PTPRM: variants seen among roughly 807,000 people sequenced by gnomAD.
PTPRM encodes protein tyrosine phosphatase receptor type M.
In PTPRM, 47 loss-of-function variants were observed where a neutral mutation model predicts 186.7. That is an observed-to-expected ratio of 0.25 (90% CI 0.20 to 0.32). The LOEUF is 0.32. Ranked by LOEUF, PTPRM falls within the 10% of genes least tolerant of loss-of-function variation. The probability of loss-of-function intolerance (pLI) is 1.00; values close to 1 mark genes in which losing one functional copy is unlikely to be tolerated. For synonymous variants in PTPRM, 668 were observed against 674.9 expected (o/e 0.99, Z 0.16); for missense variants, 1,494 against 1,865.0 (o/e 0.80, Z 3.66).
chr18:7,757,201 C>G (rs2041540725), intron 1 of PTPRM, among the ~76,000 whole-genome samples: 1 of 152,190 alleles, frequency 6.6e-6, no homozygotes, highest in South Asian at 2.1e-4. Context: ...TTAGTAATCT[C>G]TGATACCATG....
At chr18:7,589,293 G>A (rs1403264618) in intron 1 of PTPRM, among the ~76,000 whole-genome samples, 4 of 152,162 alleles carry the variant, frequency 2.6e-5, no homozygotes, top group Non-Finnish European at 4.4e-5. Context: ...ACAGGTGAGG[G>A]GTATGGCTTT....
intron 8 of PTPRM, 66 bp from the exon 9 acceptor site, chr18:8,076,389 G>A (rs995147718): frequency 2.1e-6 from 2 of 935,406 alleles, no homozygotes; most frequent in Non-Finnish European, 1.7e-6. Flanking sequence ...TTAAAACCAA[G>A]TCTAGAAAAA....
intron 13 of PTPRM, among the ~76,000 whole-genome samples, chr18:8,115,439 A>G (rs961050721): frequency 6.6e-6 from 1 of 152,202 alleles, no homozygotes; most frequent in Non-Finnish European, 1.5e-5. Context: ...CTCCTGCAGA[A>G]GCAAGTGCAG....
At chr18:8,358,907 T>A (rs2095579760) in intron 23 of PTPRM, among the ~76,000 whole-genome samples, 1 of 152,218 alleles carries the variant, frequency 6.6e-6, no homozygotes, top group African/African-American at 2.4e-5. Flanking sequence ...CTTCTGTTGA[T>A]TTCTTCTACA....
intron 23 of PTPRM, among the ~76,000 whole-genome samples, chr18:8,360,325 G>C (rs1476659615): frequency 6.6e-6 from 1 of 152,098 alleles, no homozygotes; most frequent in Non-Finnish European, 1.5e-5. Context: ...ACCACTCCCT[G>C]TCTGTAGGAC....
intron 1 of PTPRM, among the ~76,000 whole-genome samples, chr18:7,630,426 C>A (rs1450761538): frequency 6.6e-6 from 1 of 152,104 alleles, no homozygotes; most frequent in South Asian, 2.1e-4. Flanking sequence ...CGTTTAGGTG[C>A]CACACTGGAG....
intron 14 of PTPRM, chr18:8,154,548 G>A (rs1191963491): frequency 6.6e-6 from 1 of 152,226 alleles, no homozygotes; most frequent in Non-Finnish European, 1.5e-5. Flanking sequence ...GGGAGCAGGA[G>A]GACAGCAAAT....
At chr18:7,621,432 T>A (rs2037936083) in intron 1 of PTPRM, among the ~76,000 whole-genome samples, 1 of 151,854 alleles carries the variant, frequency 6.6e-6, no homozygotes, top group Non-Finnish European at 1.5e-5. Context: ...CACAGAGTGG[T>A]GCATTGTTAA....
At chr18:8,197,842 T>C (rs528479955) in intron 14 of PTPRM, among the ~76,000 whole-genome samples, 17 of 152,290 alleles carry the variant, frequency 1.1e-4, no homozygotes, top group South Asian at 2.1e-4. Flanking sequence ...AATTCTTTGA[T>C]AGGAAAATAG....
In PTPRM at chr18:7,888,146, G is replaced by A. The variant is rs754327190; in HGVS notation, c.237G>A (p.Gly79=). 6.2e-7 allele frequency: 1 copy of A among 1,614,110 alleles called. No homozygotes were observed. The highest frequency in any genetic ancestry group is 1.1e-5 in the South Asian group (1 of 91,074). The change falls in exon 3 of 33, where the codon GGG becomes GGA. Residue 79 remains glycine (G), a synonymous_variant. Coordinates refer to ENST00000580170, the MANE Select transcript of PTPRM (RefSeq NM_001105244.2). ...MLVNASGRPE[G]QRAHLLLPQL... ...TGAATGCCTCTGGGAGACCTGAGGGGCAGAGAGCCCACCTGCTCTTACCCC... is the reference window on the plus strand; with the variant it reads ...TGAATGCCTCTGGGAGACCTGAGGGACAGAGAGCCCACCTGCTCTTACCCC...
chr18:8,002,366 C>T (rs751797547), intron 7 of PTPRM, among the ~76,000 whole-genome samples: 4 of 152,134 alleles, frequency 2.6e-5, no homozygotes, highest in Non-Finnish European at 5.9e-5. Context: ...TATGATTTGA[C>T]CTGAATGCAT....
chr18:7,926,501 T>C, intron 4 of PTPRM, 67 bp from the exon 5 acceptor site: 1 of 1,247,524 alleles, frequency 8.0e-7, no homozygotes, highest in Non-Finnish European at 1.1e-6. Context: ...TTCAGATAGA[T>C]TGAAGAAGAC....
intron 1 of PTPRM, among the ~76,000 whole-genome samples, chr18:7,638,538 G>C (rs921643019): frequency 6.6e-6 from 1 of 152,138 alleles, no homozygotes; most frequent in South Asian, 2.1e-4. Context: ...TCCACATTTT[G>C]TGTCTGCCCT....
intron 11 of PTPRM, among the ~76,000 whole-genome samples, chr18:8,112,515 C>T (rs1381302384): frequency 1.3e-5 from 2 of 152,210 alleles, no homozygotes; most frequent in African/African-American, 4.8e-5. Flanking sequence ...AAAAAGATCC[C>T]TCTTCCTGCC....
chr18:8,011,136 A>G (rs2084502513), intron 7 of PTPRM, among the ~76,000 whole-genome samples: 1 of 152,220 alleles, frequency 6.6e-6, no homozygotes, highest in Non-Finnish European at 1.5e-5. Context: ...TTCCCAAAAG[A>G]GGGACTGTTA....
chr18:8,220,914 G>A (rs1159662247), intron 14 of PTPRM, among the ~76,000 whole-genome samples: 1 of 152,158 alleles, frequency 6.6e-6, no homozygotes, highest in African/African-American at 2.4e-5. Flanking sequence ...AGATCCATCA[G>A]CATGAGGGCA....
intron 2 of PTPRM, among the ~76,000 whole-genome samples, chr18:7,823,966 A>G (rs935808684): frequency 7.2e-5 from 11 of 152,188 alleles, no homozygotes; most frequent in East Asian, 3.8e-4. Context: ...CCAAGCCCCA[A>G]CCTGCTCACT....
rs148190985 is a variant in PTPRM, at chr18:7,999,285, C to T, written c.1132+43871C>T. 4.2e-3 allele frequency among the ~76,000 whole-genome samples: 640 copies of T among 152,278 alleles called. 1 individual carries two copies. Among genetic ancestry groups the T allele is most frequent in the African/African-American group, 0.015 (618 of 41,568 alleles). On this transcript the variant is annotated intron_variant, in intron 7 of 32. Transcript: ENST00000580170. ...ATGGGGAGAATGTACAAACTCCACA[C>T]AGACAGTGGCACTGGCTAGAAATTG...
At chr18:8,219,595 C>T (rs541115884) in intron 14 of PTPRM, among the ~76,000 whole-genome samples, 1 of 152,104 alleles carries the variant, frequency 6.6e-6, no homozygotes, top group Non-Finnish European at 1.5e-5. Flanking sequence ...GAAGGAGTTA[C>T]AGGCAAAGAC....
Sources: gnomAD v4.1 joint callset for allele counts (sites outside exome capture counted in the v4.1 genomes callset) on GRCh38, gnomAD v4.1.1 for gene constraint, MANE v1.5 for transcripts, NCBI Gene and HGNC (gene_info 2026-07-23, HGNC 2026-07-21) for gene names.